The following SORCS2 variants were observed in gnomAD, a reference collection of about 807,000 sequenced individuals.
The protein encoded by SORCS2 is VPS10 domain-containing receptor SorCS2.
Under a neutral mutation model 141.6 loss-of-function variants are expected in SORCS2, and 100 were observed. That is an observed-to-expected ratio of 0.71 (90% CI 0.60 to 0.83). SORCS2 has a LOEUF of 0.83. SORCS2 is among the 40% of genes least tolerant of loss of function. SORCS2 has a pLI of 0.00. For missense variants in SORCS2, 1,646 were observed against 1,560.2 expected (o/e 1.05, Z -0.93); for synonymous variants, 789 against 676.9 (o/e 1.17, Z -2.57).
At chr4:7,729,808 ATAAAGGCG>A (rs1711527506) in intron 23 of SORCS2, 96 bp downstream of exon 23, 4 of 1,488,488 alleles carry the variant, frequency 2.7e-6, no homozygotes, top group Admixed American at 2.1e-5. Context: ...GGCTCATGGC[ATAAAGGCG>A]TCTTTCTCGC....
chr4:7,224,128 G>A (rs1421156539), intron 1 of SORCS2, among the ~76,000 whole-genome samples: 3 of 152,188 alleles, frequency 2.0e-5, no homozygotes, highest in Admixed American at 2.0e-4. Context: ...ACCGCAGCAG[G>A]ATGCAGATCC....
At position 7,654,352 on chromosome 4, in the gene SORCS2, G is replaced by A. The variant is rs1721623163; in HGVS notation, c.887+145G>A. 1.6e-5 allele frequency: 12 copies of A among 768,888 alleles called. No homozygotes were observed. The South Asian group carries it at 1.9e-4, about 12-fold the overall frequency. The allele number at this position is 768,888 out of a possible 1,614,324, so 47.6% of individuals were successfully genotyped here. ...CGGGGCTGGGTCCCCACCGTCCACTGCCTCTGCCTGCAGCCCCACACCCTC... is the reference window on the plus strand; with the variant it reads ...CGGGGCTGGGTCCCCACCGTCCACTACCTCTGCCTGCAGCCCCACACCCTC... On this transcript the variant is annotated intron_variant, in intron 5 of 26. Transcript: ENST00000507866.
At chr4:7,369,113 C>A (rs928383084) in intron 1 of SORCS2, among the ~76,000 whole-genome samples, 1 of 152,074 alleles carries the variant, frequency 6.6e-6, no homozygotes, top group African/African-American at 2.4e-5. Context: ...TCAAGACCAG[C>A]CTGGCTAACA....
chr4:7,223,192 C>T (rs1455854129), intron 1 of SORCS2, among the ~76,000 whole-genome samples: 2 of 152,192 alleles, frequency 1.3e-5, no homozygotes, highest in African/African-American at 2.4e-5. Flanking sequence ...AGAAACTGGA[C>T]ATGACCCACA....
chr4:7,393,430 G>A (rs999812757), intron 1 of SORCS2, among the ~76,000 whole-genome samples: 1 of 152,220 alleles, frequency 6.6e-6, no homozygotes, highest in African/African-American at 2.4e-5. Context: ...GTAAGTGTTG[G>A]TTCTTTGAAA....
chr4:7,458,204 C>T (rs766854586), intron 2 of SORCS2, among the ~76,000 whole-genome samples: 3 of 151,908 alleles, frequency 2.0e-5, no homozygotes, highest in East Asian at 1.9e-4. Context: ...TCCTGTGGGG[C>T]GGGGGGAGGC....
At chr4:7,306,820 A>G (rs890717848) in intron 1 of SORCS2, among the ~76,000 whole-genome samples, 1 of 152,188 alleles carries the variant, frequency 6.6e-6, no homozygotes, top group Admixed American at 6.5e-5. Context: ...AGTGGCAAGC[A>G]ACACATGCTG....
At chr4:7,517,532 C>A (rs1287087590) in intron 2 of SORCS2, among the ~76,000 whole-genome samples, 1 of 152,140 alleles carries the variant, frequency 6.6e-6, no homozygotes, top group Non-Finnish European at 1.5e-5. Context: ...GTCAACAGTG[C>A]CTCGAAAAAT....
At chr4:7,229,862 G>C (rs924950129) in intron 1 of SORCS2, among the ~76,000 whole-genome samples, 2 of 149,942 alleles carry the variant, frequency 1.3e-5, no homozygotes, top group Non-Finnish European at 2.9e-5. Flanking sequence ...AAGTCTTCGA[G>C]TGTCTGGGCA....
chr4:7,740,300 G>A lies in SORCS2; in HGVS notation c.*36G>A, dbSNP rs532833454. ...GCATCTGTCTTTTCACCCACGGAGG[G>A]CACAGAACCACCAGCAAAGCCGGCG... is the stretch of plus-strand genomic sequence containing the variant. On this transcript the variant is annotated 3_prime_UTR_variant, in exon 27 of 27. Transcript: ENST00000507866. 2 of 1,590,798 alleles carry A rather than the reference G, an allele frequency of 1.3e-6. No homozygotes were observed. Among genetic ancestry groups the A allele is most frequent in the South Asian group, 1.1e-5 (1 of 89,890 alleles).
intron 3 of SORCS2, among the ~76,000 whole-genome samples, chr4:7,596,209 T>A (rs756292275): frequency 2.0e-5 from 3 of 152,174 alleles, no homozygotes; most frequent in Non-Finnish European, 4.4e-5. Flanking sequence ...TGTATAGAGA[T>A]ATGCAATCTA....
At chr4:7,352,269 G>C (rs1269684919) in intron 1 of SORCS2, among the ~76,000 whole-genome samples, 1 of 152,270 alleles carries the variant, frequency 6.6e-6, no homozygotes, top group African/African-American at 2.4e-5. Context: ...GCTAAGAACT[G>C]AGGTGCCTGG....
At chr4:7,273,976 G>A (rs1029873611) in intron 1 of SORCS2, among the ~76,000 whole-genome samples, 2 of 152,214 alleles carry the variant, frequency 1.3e-5, no homozygotes, top group African/African-American at 4.8e-5. Context: ...CCTCACAGGC[G>A]GAACAGAGCC....
chr4:7,580,363 G>A (rs571666763), intron 3 of SORCS2, among the ~76,000 whole-genome samples: 43 of 152,110 alleles, frequency 2.8e-4, no homozygotes, highest in Non-Finnish European at 5.0e-4. Flanking sequence ...GGTGGTGCAC[G>A]TTTGTAATCC....
chr4:7,369,703 C>T (rs565436335), intron 1 of SORCS2, among the ~76,000 whole-genome samples: 1 of 152,282 alleles, frequency 6.6e-6, no homozygotes, highest in Non-Finnish European at 1.5e-5. Context: ...GAGGTCCTGG[C>T]CAGCCCCTCG....
intron 1 of SORCS2, among the ~76,000 whole-genome samples, chr4:7,207,282 A>G (rs1364756479): frequency 6.6e-6 from 1 of 152,176 alleles, no homozygotes; most frequent in Non-Finnish European, 1.5e-5. Context: ...GAGGGCTGGA[A>G]AGGTGCAGTG....
rs62290753 is a variant in SORCS2, at chr4:7,724,870, A to G, written c.2612-284A>G. The stretch of plus-strand genomic sequence containing the variant: ...TGGTGGTAGTGGTGATGGTGGTGGT[A>G]GTGGTGATGGTGGTGGTGTTGGTGA... On this transcript the variant is annotated intron_variant, in intron 19 of 26. Coordinates refer to ENST00000507866, the MANE Select transcript of SORCS2 (RefSeq NM_020777.3). Among the ~76,000 whole-genome samples, 263 of 77,482 alleles carry G rather than the reference A, an allele frequency of 3.4e-3. 16 individuals are homozygous for G. Among genetic ancestry groups the G allele is most frequent in the African/African-American group, 0.011 (161 of 15,124 alleles). The allele number at this position is 77,482 out of a possible 152,430, so 50.8% of individuals were successfully genotyped here. A position where few individuals can be genotyped will look rare whatever the true frequency, so the allele number is the denominator to read the frequency against.
At chr4:7,501,001 G>C (rs1014862437) in intron 2 of SORCS2, among the ~76,000 whole-genome samples, 1 of 152,170 alleles carries the variant, frequency 6.6e-6, no homozygotes, top group Non-Finnish European at 1.5e-5. Flanking sequence ...TCCACCCCAC[G>C]TGCCCTCTGA....
chr4:7,361,746 G>C (rs943642386), intron 1 of SORCS2, among the ~76,000 whole-genome samples: 6 of 151,832 alleles, frequency 4.0e-5, no homozygotes, highest in African/African-American at 4.8e-5. Context: ...TTATTAAACT[G>C]ACCTTCACAC....
Sources: allele counts gnomAD v4.1 joint callset (sites outside exome capture counted in the v4.1 genomes callset), GRCh38; gene constraint gnomAD v4.1.1; transcripts MANE v1.5; gene names NCBI Gene and HGNC (gene_info 2026-07-23, HGNC 2026-07-21).